SYN3: variants seen among roughly 807,000 people sequenced by gnomAD.
SYN3 encodes the protein synapsin-3.
SYN3 carries 35 observed loss-of-function variants against 65.8 expected under a neutral mutation model. The ratio of observed to expected loss-of-function variants is 0.53; its 90% confidence interval spans 0.41 to 0.70. SYN3 has a LOEUF of 0.70. Ranked by LOEUF, SYN3 falls within the 30% of genes least tolerant of loss-of-function variation. SYN3 has a pLI of 0.00. For missense variants in SYN3, 680 were observed against 749.0 expected, an observed-to-expected ratio of 0.91 and a Z score of 1.08; for synonymous variants, 270 against 292.9, an observed-to-expected ratio of 0.92 and a Z score of 0.80.
At chr22:32,876,195 G>A (rs573861701) in intron 4 of SYN3, among the ~76,000 whole-genome samples, 1 of 152,146 alleles carries the variant, frequency 6.6e-6, no homozygotes, top group South Asian at 2.1e-4. Flanking sequence ...TCCTCACTGT[G>A]TCCTTACATG....
intron 6 of SYN3, among the ~76,000 whole-genome samples, chr22:32,766,896 C>T (rs140364455): frequency 9.5e-4 from 144 of 152,298 alleles, no homozygotes; most frequent in African/African-American, 3.2e-3. Context: ...GAATTAAATA[C>T]GCTGATACTA....
At chr22:32,607,250 T>C (rs1207897523) in intron 6 of SYN3, among the ~76,000 whole-genome samples, 1 of 152,166 alleles carries the variant, frequency 6.6e-6, no homozygotes, top group East Asian at 1.9e-4. Flanking sequence ...CTGCTCAACA[T>C]TGAACCCTCA....
intron 6 of SYN3, chr22:32,784,827 A>G (rs2046152373): frequency 6.6e-6 from 1 of 152,220 alleles, no homozygotes; most frequent in South Asian, 2.1e-4. Context: ...CTGTGGCCAT[A>G]AAATAATGTT....
intron 6 of SYN3, among the ~76,000 whole-genome samples, chr22:32,778,762 A>G (rs1342143628): frequency 1.3e-5 from 2 of 152,238 alleles, no homozygotes; most frequent in African/African-American, 4.8e-5. Flanking sequence ...AGAGGATGAC[A>G]TTATTTTGAA....
chr22:33,010,715 T>C, intron 1 of SYN3, among the ~76,000 whole-genome samples: 1 of 152,226 alleles, frequency 6.6e-6, no homozygotes, highest in East Asian at 1.9e-4. Context: ...TGTTCGAGAT[T>C]GCATAGACTG....
intron 6 of SYN3, among the ~76,000 whole-genome samples, chr22:32,722,977 A>G (rs1056748504): frequency 4.6e-5 from 7 of 152,182 alleles, no homozygotes; most frequent in Non-Finnish European, 1.0e-4. Flanking sequence ...TTGCCTACAC[A>G]CTATGGCAGA....
chr22:32,811,571 G>T (rs1279400760), intron 6 of SYN3, among the ~76,000 whole-genome samples: 1 of 152,064 alleles, frequency 6.6e-6, no homozygotes, highest in East Asian at 1.9e-4. Context: ...CTTCCCACAG[G>T]GCAGAGAAAG....
At chr22:32,586,518 A>G (rs1423685430) in intron 7 of SYN3, among the ~76,000 whole-genome samples, 1 of 152,184 alleles carries the variant, frequency 6.6e-6, no homozygotes. Flanking sequence ...GCACTTCAGC[A>G]CTACACTTCG....
chr22:32,775,562 G>T (rs1396415972), intron 6 of SYN3, among the ~76,000 whole-genome samples: 4 of 152,106 alleles, frequency 2.6e-5, no homozygotes, highest in Non-Finnish European at 5.9e-5. Flanking sequence ...GCATCCTCCA[G>T]TCTGCACAAC....
chr22:32,806,263 C>A lies in SYN3; in HGVS notation c.711+58652G>T, dbSNP rs532942473. ...CTCTGACAGTTCTGTGTCCCTTTCA[C>A]AGTCCCTGGATAGATAAGGCTAGAA... On this transcript the variant is annotated intron_variant, in intron 6 of 13. Coordinates refer to ENST00000358763, the MANE Select transcript of SYN3 (RefSeq NM_003490.4). 7.8e-4 allele frequency among the ~76,000 whole-genome samples: 119 copies of A among 152,254 alleles called. 2 individuals carry two copies. Among genetic ancestry groups the A allele is most frequent in the African/African-American group, 2.5e-3 (105 of 41,542 alleles).
At chr22:33,003,498 G>C (rs1285616574) in intron 2 of SYN3, among the ~76,000 whole-genome samples, 1 of 152,122 alleles carries the variant, frequency 6.6e-6, no homozygotes, top group Admixed American at 6.5e-5. Flanking sequence ...AAAACTTTTT[G>C]GGAACTGGAG....
At chr22:32,638,576 T>C (rs1342642977) in intron 6 of SYN3, among the ~76,000 whole-genome samples, 1 of 152,192 alleles carries the variant, frequency 6.6e-6, no homozygotes, top group East Asian at 1.9e-4. Context: ...TGATGAGCAG[T>C]TTTTCATATG....
intron 1 of SYN3, among the ~76,000 whole-genome samples, chr22:33,012,704 A>G (rs1227704372): frequency 6.6e-6 from 1 of 152,186 alleles, no homozygotes; most frequent in Non-Finnish European, 1.5e-5. Flanking sequence ...GGGCACATGG[A>G]CCTGGGGCAT....
chr22:32,916,563 T>C (rs2050191589), intron 4 of SYN3, among the ~76,000 whole-genome samples: 1 of 152,196 alleles, frequency 6.6e-6, no homozygotes, highest in Non-Finnish European at 1.5e-5. Context: ...ATACAACATG[T>C]TATTCTGTGT....
In SYN3 at chr22:32,509,530, C is replaced by T. The variant is rs2057668066; in HGVS notation, c.*4162G>A. Among the ~76,000 whole-genome samples the T allele has an allele frequency of 6.6e-6, 1 of 151,596 alleles. No individual in the cohort carries two copies. The highest frequency in any genetic ancestry group is 2.1e-4 in the South Asian group (1 of 4,796). Reference sequence around the variant, plus strand: ...CATGAGACCTATGTGTCCTTGGTTCCTATGTTCATACACAGACCAATGGGG... The same window carrying T: ...CATGAGACCTATGTGTCCTTGGTTCTTATGTTCATACACAGACCAATGGGG... On this transcript the variant is annotated 3_prime_UTR_variant, in exon 14 of 14. Coordinates refer to ENST00000358763, the MANE Select transcript of SYN3 (RefSeq NM_003490.4).
At chr22:32,910,007 G>C (rs962542175) in intron 4 of SYN3, among the ~76,000 whole-genome samples, 2 of 152,286 alleles carry the variant, frequency 1.3e-5, no homozygotes, top group East Asian at 3.9e-4. Flanking sequence ...TACATTCTCT[G>C]GGTTGGCACT....
intron 6 of SYN3, among the ~76,000 whole-genome samples, chr22:32,807,377 TAATA>T (rs2046783386): frequency 2.8e-5 from 3 of 108,754 alleles, no homozygotes; most frequent in Non-Finnish European, 5.2e-5. Flanking sequence ...ATATTATATA[TAATA>T]TATATTATAT....
rs200324473 is a variant in SYN3, at chr22:32,931,415, C to A, written c.436G>T (p.Val146Leu). The change falls in exon 4 of 14, where the codon GTG becomes TTG. Residue 146 changes from valine (V) to leucine (L), a missense_variant. Physicochemically the swap from Val to Leu is conservative, Grantham distance 32. Coordinates refer to ENST00000358763, the MANE Select transcript of SYN3 (RefSeq NM_003490.4). Reference sequence around the variant, plus strand: ...CTCACCACTTTGGTCCCATTTCTCACGACCTGCATGTCCACCATGCAGCCC... The same window carrying A: ...CTCACCACTTTGGTCCCATTTCTCAAGACCTGCATGTCCACCATGCAGCCC... ...TGGCMVDMQV[V>L]RNGTKVVSRS... 1.9e-6 allele frequency: 3 copies of A among 1,613,488 alleles called. No individual in the cohort carries two copies. The highest frequency in any genetic ancestry group is 2.5e-6 in the Non-Finnish European group (3 of 1,179,470).
chr22:32,889,858 G>A (rs2049394195), intron 4 of SYN3, among the ~76,000 whole-genome samples: 1 of 151,712 alleles, frequency 6.6e-6, no homozygotes, highest in South Asian at 2.1e-4. Flanking sequence ...CATTAGTAGG[G>A]AATTTACTTA....
Sources: allele counts gnomAD v4.1 joint callset (sites outside exome capture counted in the v4.1 genomes callset), GRCh38; gene constraint gnomAD v4.1.1; transcripts MANE v1.5; gene names NCBI Gene and HGNC (gene_info 2026-07-23, HGNC 2026-07-21).